KAZN: variants seen among roughly 807,000 people sequenced by gnomAD.
KAZN encodes the protein kazrin.
KAZN carries 40 observed loss-of-function variants against 87.4 expected under a neutral mutation model. That is an observed-to-expected ratio of 0.46 (90% CI 0.36 to 0.60). The LOEUF (loss-of-function observed/expected upper bound fraction) is 0.60, where lower values mean the gene tolerates loss of function less well. KAZN is among the 20% of genes least tolerant of loss of function. The pLI, the probability that KAZN is intolerant of heterozygous loss-of-function variation, is 0.00. For missense variants in KAZN, 898 were observed against 1,073.9 expected, an observed-to-expected ratio of 0.84 and a Z score of 2.29; for synonymous variants, 466 against 458.3, an observed-to-expected ratio of 1.02 and a Z score of -0.22.
intron 1 of KAZN, among the ~76,000 whole-genome samples, chr1:13,935,252 G>GTAGTAA (rs1553175647): frequency 1.4e-5 from 2 of 147,088 alleles, no homozygotes; most frequent in South Asian, 2.2e-4. Context: ...AGTAGTAGTA[G>GTAGTAA]TAATAATAAT....
chr1:15,106,843 C>T (rs141727313), intron 13 of KAZN, among the ~76,000 whole-genome samples: 76 of 152,262 alleles, frequency 5.0e-4, no homozygotes, highest in East Asian at 9.7e-4. Flanking sequence ...CTTGGTCCGG[C>T]GCCAACAATG....
chr1:14,462,682 T>C (rs1667917462), intron 2 of KAZN, among the ~76,000 whole-genome samples: 1 of 152,124 alleles, frequency 6.6e-6, no homozygotes, highest in Non-Finnish European at 1.5e-5. Context: ...TGGTGGAAGA[T>C]AAGGAGGAGC....
At chr1:13,977,096 G>C (rs1422982439) in intron 1 of KAZN, among the ~76,000 whole-genome samples, 3 of 152,192 alleles carry the variant, frequency 2.0e-5, no homozygotes, top group Admixed American at 2.0e-4. Flanking sequence ...TGTTGGTGAG[G>C]ATCAGAGAGG....
intron 1 of KAZN, among the ~76,000 whole-genome samples, chr1:14,609,187 A>G (rs1056628544): frequency 1.3e-5 from 2 of 152,250 alleles, no homozygotes; most frequent in African/African-American, 4.8e-5. Context: ...TAAAGCAAGA[A>G]AAAACAGGAC....
At chr1:15,101,804 C>T (rs371742874) in intron 11 of KAZN, 30 bp downstream of exon 11, 7 of 1,439,138 alleles carry the variant, frequency 4.9e-6, no homozygotes, top group African/African-American at 2.8e-5. Flanking sequence ...GTGGGGGCAC[C>T]TTCCACTGCC....
intron 2 of KAZN, among the ~76,000 whole-genome samples, chr1:14,579,996 C>T (rs763442565): frequency 3.3e-5 from 5 of 152,126 alleles, no homozygotes; most frequent in Admixed American, 6.5e-5. Context: ...GAAATCTGCT[C>T]ATTTAATTTC....
intron 1 of KAZN, among the ~76,000 whole-genome samples, chr1:13,943,699 C>G (rs1042710763): frequency 6.6e-6 from 1 of 151,762 alleles, no homozygotes; most frequent in Non-Finnish European, 1.5e-5. Context: ...TCTAAATATT[C>G]ACTGATTTTC....
chr1:14,258,390 A>ATTTTTTTTTTTTT (rs760768355), intron 2 of KAZN, among the ~76,000 whole-genome samples: 59 of 125,454 alleles, frequency 4.7e-4, no homozygotes, highest in East Asian at 1.8e-3. Context: ...TAAATTTTGT[A>ATTTTTTTTTTTTT]TTTTTTTTTT....
chr1:13,980,371 T>C (rs1211337946), intron 1 of KAZN, among the ~76,000 whole-genome samples: 12 of 152,262 alleles, frequency 7.9e-5, no homozygotes, highest in African/African-American at 2.9e-4. Flanking sequence ...TATAACTATA[T>C]GCTGCTGACA....
intron 1 of KAZN, among the ~76,000 whole-genome samples, chr1:14,710,899 G>T (rs1171313374): frequency 6.6e-6 from 1 of 152,150 alleles, no homozygotes. Flanking sequence ...AATTATTGAG[G>T]GGGGCTGGGT....
intron 2 of KAZN, among the ~76,000 whole-genome samples, chr1:14,379,603 G>C (rs1571452261): frequency 6.6e-6 from 1 of 152,120 alleles, no homozygotes; most frequent in Admixed American, 6.5e-5. Flanking sequence ...TGGTGGCCTG[G>C]CAATACTCCC....
At position 14,080,334 on chromosome 1, in the gene KAZN, G is replaced by C. The variant is rs372149090; in HGVS notation, c.92-100101G>C. ...ACAGGACACAGGAAGGTGGTTTTAG[G>C]CTTCTAAGACTGGGAAAATGTGGGA... On this transcript the variant is annotated intron_variant, in intron 1 of 16. Coordinates refer to the KAZN transcript ENST00000636203. Among the ~76,000 whole-genome samples, 10 of 152,372 alleles carry C rather than the reference G, an allele frequency of 6.6e-5. 1 individual carries two copies. Among genetic ancestry groups the C allele is most frequent in the African/African-American group, 2.4e-4 (10 of 41,602 alleles).
At chr1:14,455,230 A>G (rs1667501549) in intron 2 of KAZN, among the ~76,000 whole-genome samples, 4 of 152,214 alleles carry the variant, frequency 2.6e-5, no homozygotes, top group Admixed American at 2.6e-4. Flanking sequence ...CCATATATCC[A>G]TTCAGTTATC....
intron 1 of KAZN, among the ~76,000 whole-genome samples, chr1:14,940,465 C>T (rs1227611950): frequency 2.0e-5 from 3 of 152,242 alleles, no homozygotes; most frequent in African/African-American, 4.8e-5. Context: ...AAGACAGCCA[C>T]CATGGCACGG....
chr1:14,438,928 GTCT>G (rs938011959), intron 2 of KAZN, among the ~76,000 whole-genome samples: 2 of 152,062 alleles, frequency 1.3e-5, no homozygotes, highest in African/African-American at 2.4e-5. Context: ...CTTCTAACAG[GTCT>G]TCTTCTATTT....
chr1:14,020,268 C>T (rs1640763630), intron 1 of KAZN, among the ~76,000 whole-genome samples: 1 of 152,166 alleles, frequency 6.6e-6, no homozygotes, highest in African/African-American at 2.4e-5. Flanking sequence ...GGCCCAGTTC[C>T]TAACAGGCCA....
Position 14,905,527 on chromosome 1 carries a change from T to A in KAZN, c.227-55157T>A, listed in dbSNP as rs1656421531. ...AACAGTAATGAGGATGAACCAAATA[T>A]TTCATGCAAATAGTTCAGTAAAAAT... On this transcript the variant is annotated intron_variant, in intron 1 of 14. Transcript: ENST00000376030. Among the ~76,000 whole-genome samples, 3 of 152,200 alleles carry A rather than the reference T, an allele frequency of 2.0e-5. No individual in the cohort carries two copies. In the South Asian group the frequency reaches 6.2e-4, roughly 32 times the overall value.
chr1:14,715,389 G>A (rs1642736974), intron 1 of KAZN, among the ~76,000 whole-genome samples: 1 of 152,200 alleles, frequency 6.6e-6, no homozygotes, highest in Non-Finnish European at 1.5e-5. Context: ...AGGGAGGTTG[G>A]CCAAGTTTAC....
At chr1:14,960,309 C>T (rs6429696) in intron 1 of KAZN, among the ~76,000 whole-genome samples, 90,359 of 152,044 alleles carry the variant, frequency 0.59, 29,934 homozygotes, top group African/African-American at 0.9. Flanking sequence ...TCCCTGCATC[C>T]GAAGGTTTTG....
Sources: allele counts gnomAD v4.1 joint callset (sites outside exome capture counted in the v4.1 genomes callset), GRCh38; gene constraint gnomAD v4.1.1; transcripts MANE v1.5; gene names NCBI Gene and HGNC (gene_info 2026-07-23, HGNC 2026-07-21).